The following RBFOX1 variants were observed in gnomAD, a reference collection of about 807,000 sequenced individuals.
RBFOX1 encodes the protein RNA binding protein fox-1 homolog 1.
Under a neutral mutation model 57.7 loss-of-function variants are expected in RBFOX1, and 8 were observed. The observed-to-expected ratio is 0.14, with a 90% CI of 0.08 to 0.25. RBFOX1 has a LOEUF of 0.25. Among genes scored for constraint, RBFOX1 ranks in the 10% least tolerant of loss-of-function variants. RBFOX1 has a pLI of 1.00. For missense variants in RBFOX1, 611 were observed against 548.5 expected (o/e 1.11, Z -1.14); for synonymous variants, 326 against 222.4 (o/e 1.47, Z -4.15).
At chr16:7,388,382 A>G (rs1450963836) in intron 4 of RBFOX1, among the ~76,000 whole-genome samples, 1 of 152,176 alleles carries the variant, frequency 6.6e-6, no homozygotes, top group Non-Finnish European at 1.5e-5. Flanking sequence ...GAACATAACT[A>G]TTGCTGGGGT....
chr16:7,641,247 T>A (rs573518830), intron 11 of RBFOX1, among the ~76,000 whole-genome samples: 1 of 152,180 alleles, frequency 6.6e-6, no homozygotes, highest in South Asian at 2.1e-4. Context: ...CTTATTTCTT[T>A]TCTAAAATAA....
chr16:5,894,150 A>G (rs1479827418), intron 4 of RBFOX1, among the ~76,000 whole-genome samples: 6 of 152,146 alleles, frequency 3.9e-5, no homozygotes, highest in Admixed American at 3.9e-4. Flanking sequence ...TTCGAACACA[A>G]TTCTGGAGCT....
chr16:7,458,339 T>A (rs953531995), intron 4 of RBFOX1, among the ~76,000 whole-genome samples: 12 of 152,166 alleles, frequency 7.9e-5, no homozygotes, highest in Non-Finnish European at 1.6e-4. Flanking sequence ...CCTGGGCCAG[T>A]CCACTTTGTG....
At chr16:7,518,093 C>T in intron 4 of RBFOX1, 54 bp from the exon 5 acceptor site, 9 of 1,564,860 alleles carry the variant, frequency 5.8e-6, no homozygotes, top group Non-Finnish European at 7.8e-6. Flanking sequence ...AAGGTTTCTG[C>T]ATGGTGGCTC....
intron 4 of RBFOX1, among the ~76,000 whole-genome samples, chr16:7,105,900 A>AG (rs1460782376): frequency 6.6e-6 from 1 of 152,090 alleles, no homozygotes; most frequent in Non-Finnish European, 1.5e-5. Context: ...TTCACTCAGG[A>AG]GAGGTATACG....
At chr16:7,217,248 C>T (rs962783430) in intron 4 of RBFOX1, among the ~76,000 whole-genome samples, 14 of 149,302 alleles carry the variant, frequency 9.4e-5, no homozygotes, top group African/African-American at 3.2e-4. Flanking sequence ...ACTACAGGTG[C>T]GTTCCACCAC....
chr16:7,248,868 A>G (rs576991022), intron 4 of RBFOX1, among the ~76,000 whole-genome samples: 13 of 152,252 alleles, frequency 8.5e-5, no homozygotes, highest in African/African-American at 2.9e-4. Context: ...TGTATATCCT[A>G]CCTATATACA....
chr16:7,658,885 C>G (rs149973997), intron 12 of RBFOX1, among the ~76,000 whole-genome samples: 4 of 152,272 alleles, frequency 2.6e-5, no homozygotes, highest in African/African-American at 9.6e-5. Flanking sequence ...GCCACCACAC[C>G]CAGCTAATTT....
At chr16:5,925,081 C>T (rs62013901) in intron 4 of RBFOX1, among the ~76,000 whole-genome samples, 1 of 152,152 alleles carries the variant, frequency 6.6e-6, no homozygotes, top group Non-Finnish European at 1.5e-5. Flanking sequence ...TCCCACCCTC[C>T]CTGTTTCCAC....
At chr16:7,099,026 C>G (rs1474579367) in intron 4 of RBFOX1, among the ~76,000 whole-genome samples, 1 of 152,138 alleles carries the variant, frequency 6.6e-6, no homozygotes, top group Non-Finnish European at 1.5e-5. Context: ...TCCAAACTCT[C>G]TCTTGTTAAA....
At chr16:7,436,411 CAAAGGTTGGGGATGTGTG>C (rs953461197) in intron 4 of RBFOX1, among the ~76,000 whole-genome samples, 1 of 152,134 alleles carries the variant, frequency 6.6e-6, no homozygotes, top group African/African-American at 2.4e-5. Context: ...ATTTCCTGTT[CAAAGGTTGGGGATGTGTG>C]AAATTTGGAC....
At chr16:6,182,761 A>T (rs939307832) in intron 1 of RBFOX1, among the ~76,000 whole-genome samples, 20 of 152,208 alleles carry the variant, frequency 1.3e-4, no homozygotes, top group African/African-American at 4.8e-4. Flanking sequence ...CCTCTAACTT[A>T]CATCCTTTAT....
chr16:5,830,471 T>C (rs1401644169), intron 3 of RBFOX1, among the ~76,000 whole-genome samples: 1 of 151,820 alleles, frequency 6.6e-6, no homozygotes, highest in East Asian at 1.9e-4. Context: ...AAGAGGATTG[T>C]ATAGAGGCCG....
intron 2 of RBFOX1, among the ~76,000 whole-genome samples, chr16:6,529,216 C>A (rs564646196): frequency 1.3e-5 from 2 of 152,218 alleles, no homozygotes; most frequent in East Asian, 1.9e-4. Context: ...TTGTAAACTA[C>A]TTTTCAAATA....
At chr16:6,620,867 C>A (rs893953818) in intron 2 of RBFOX1, among the ~76,000 whole-genome samples, 3 of 152,196 alleles carry the variant, frequency 2.0e-5, no homozygotes, top group East Asian at 1.9e-4. Context: ...CACTTAAAAT[C>A]CCTTGTATTA....
At chr16:7,226,561 T>A (rs747697668) in intron 4 of RBFOX1, among the ~76,000 whole-genome samples, 1 of 152,194 alleles carries the variant, frequency 6.6e-6, no homozygotes, top group African/African-American at 2.4e-5. Flanking sequence ...GGTGCCTCCA[T>A]AGGGAGAAAG....
At chr16:5,339,900 G>A (rs370946542) in intron 1 of RBFOX1, among the ~76,000 whole-genome samples, 102 of 152,214 alleles carry the variant, frequency 6.7e-4, no homozygotes, top group African/African-American at 2.3e-3. Context: ...AGAGGTCATG[G>A]GAGGCCCGTT....
chr16:6,746,226 C>A (rs547945486), intron 3 of RBFOX1, among the ~76,000 whole-genome samples: 11 of 152,056 alleles, frequency 7.2e-5, no homozygotes, highest in African/African-American at 2.2e-4. Flanking sequence ...CCAATCAAAC[C>A]CCAGCAGGCC....
intron 1 of RBFOX1, among the ~76,000 whole-genome samples, chr16:6,060,531 G>T (rs1441210734): frequency 2.0e-5 from 3 of 152,074 alleles, no homozygotes; most frequent in African/African-American, 7.2e-5. Context: ...GTATTTTCAG[G>T]TTCGACCTCT....
Sources: gnomAD v4.1 joint callset for allele counts (sites outside exome capture counted in the v4.1 genomes callset) on GRCh38, gnomAD v4.1.1 for gene constraint, MANE v1.5 for transcripts, NCBI Gene and HGNC (gene_info 2026-07-23, HGNC 2026-07-21) for gene names.